Variants in CDC6 observed in about 807,000 individuals in gnomAD.
CDC6 encodes cell division cycle 6.
In CDC6, 46 loss-of-function variants were observed where a neutral mutation model predicts 60.2. The observed-to-expected ratio is 0.76, with a 90% CI of 0.60 to 0.98. The LOEUF is 0.98. Among genes scored for constraint, CDC6 ranks in the 50% least tolerant of loss-of-function variants. The pLI, the probability that CDC6 is intolerant of heterozygous loss-of-function variation, is 0.00. For missense variants in CDC6, 596 were observed against 652.9 expected, an observed-to-expected ratio of 0.91 and a Z score of 0.95; for synonymous variants, 210 against 233.2, an observed-to-expected ratio of 0.90 and a Z score of 0.90.
chr17:40,294,309 G>T, intron 6 of CDC6, 55 bp from the exon 7 acceptor site: 1 of 1,405,542 alleles, frequency 7.1e-7, no homozygotes. Context: ...AGAAGATTTA[G>T]TTTTCCCTTT....
At position 40,301,984 on chromosome 17, in the gene CDC6, G is replaced by T. The variant is rs765724334; in HGVS notation, c.1666G>T (p.Ala556Ser). 6.3e-7 allele frequency: 1 copy of T among 1,585,742 alleles called. No homozygotes were observed. The highest frequency in any genetic ancestry group is 1.7e-5 in the Admixed American group (1 of 59,988). Residue 556 changes from alanine (A) to serine (S), a missense_variant, in exon 12 of 12, where the codon GCT (alanine) becomes TCT (serine). Physicochemically the swap from Ala to Ser is moderately conservative, Grantham distance 99. Coordinates refer to ENST00000209728, the MANE Select transcript of CDC6 (RefSeq NM_001254.4). ...KDKALIGNIL[A>S]TGLP is the part of the protein sequence containing the mutation. Reference sequence around the variant, plus strand: ...TAAAGCTTTAATTGGAAATATCTTAGCTACTGGATTGCCTTAAATTCTTCT... The same window carrying T: ...TAAAGCTTTAATTGGAAATATCTTATCTACTGGATTGCCTTAAATTCTTCT...
chr17:40,301,996 C>T lies in CDC6; in HGVS notation c.1678C>T (p.Pro560Ser). The T allele has an allele frequency of 1.3e-6, 2 of 1,561,806 alleles. No individual in the cohort carries two copies. Among genetic ancestry groups the T allele is most frequent in the Non-Finnish European group, 1.8e-6 (2 of 1,132,354 alleles). Reference protein sequence around the residue: ...LIGNILATGLP With the variant: ...LIGNILATGLS ...TGGAAATATCTTAGCTACTGGATTGCCTTAAATTCTTCTCTTACACCCCAC... is the reference window on the plus strand; with the variant it reads ...TGGAAATATCTTAGCTACTGGATTGTCTTAAATTCTTCTCTTACACCCCAC... The change falls in exon 12 of 12, where the codon CCT becomes TCT. Residue 560 changes from proline to serine, a missense_variant. Physicochemically the swap from Pro to Ser is moderately conservative, Grantham distance 74 (BLOSUM62 -1). Transcript: ENST00000209728.
Position 40,301,617 on chromosome 17 carries a change from G to A in CDC6, c.1593+9G>A, listed in dbSNP as rs185826802. On this transcript the variant is annotated intron_variant, in intron 11 of 11. Transcript: ENST00000209728. ...AAACCCGTTTGACAAAGGTACAACT[G>A]CTTTTTTGTGACAGTGTTTTTAATT... The A allele has an allele frequency of 5.0e-6, 8 of 1,613,506 alleles. No individual in the cohort carries two copies. The highest frequency in any genetic ancestry group is 6.8e-6 in the Non-Finnish European group (8 of 1,179,546).
intron 9 of CDC6, among the ~76,000 whole-genome samples, chr17:40,298,098 C>A (rs1289559458): frequency 6.6e-6 from 1 of 152,090 alleles, no homozygotes; most frequent in Non-Finnish European, 1.5e-5. Context: ...GAAATTCTTT[C>A]TTTTTTTCAT....
chr17:40,293,603 CAT>C lies in CDC6; in HGVS notation c.811_812del (p.Met271AspfsTer31). The C allele has an allele frequency of 6.2e-7, 1 of 1,613,672 alleles. No homozygotes were observed. ...GKDMMRKLEK[H>X]MTAEKGPMIV... is the part of the protein sequence containing the mutation. ...GGACATGATGAGGAAATTGGAAAAA[CAT>C]ATGACTGCAGAGAAGGGCCCCATGA... On this transcript the variant is annotated frameshift_variant, in exon 5 of 12. Coordinates refer to ENST00000209728, the MANE Select transcript of CDC6 (RefSeq NM_001254.4). LOFTEE classifies it high-confidence loss of function.
In CDC6 at chr17:40,295,384, C is replaced by T; in HGVS notation, c.1112C>T (p.Ala371Val). The change falls in exon 8 of 12, where the codon GCT becomes GTT. Residue 371 changes from alanine to valine, a missense_variant. Physicochemically the swap from Ala to Val is moderately conservative, Grantham distance 64 (BLOSUM62 0). Transcript: ENST00000209728. ...QVSRDQVLDN[A>V]AVQFCARKVS... ...TCTAGAGATCAGGTTCTGGACAATG[C>T]TGCAGTTCAATTCTGTGCCCGCAAA... 1.2e-6 allele frequency: 2 copies of T among 1,613,206 alleles called. No homozygotes were observed. The highest frequency in any genetic ancestry group is 8.5e-7 in the Non-Finnish European group (1 of 1,179,312).
intron 9 of CDC6, among the ~76,000 whole-genome samples, chr17:40,300,362 T>G (rs1245008271): frequency 6.6e-6 from 1 of 152,148 alleles, no homozygotes; most frequent in Non-Finnish European, 1.5e-5. Context: ...CCTGGCATGG[T>G]GGCACGTACC....
chr17:40,304,283 C>T lies in CDC6; in HGVS notation c.*2282C>T, dbSNP rs1414384319. 1 of 152,208 alleles carries T rather than the reference C, an allele frequency of 6.6e-6. No homozygotes were observed. Among genetic ancestry groups the T allele is most frequent in the Non-Finnish European group, 1.5e-5 (1 of 68,046 alleles). The allele number at this position is 152,208 out of a possible 1,614,324, so 9.4% of individuals were successfully genotyped here. Reference sequence around the variant, plus strand: ...AGTGTCCCTGCTTGGCTTCTGCTGCCCTTGTGGGAGCAAAAGCTGATATAT... The same window carrying T: ...AGTGTCCCTGCTTGGCTTCTGCTGCTCTTGTGGGAGCAAAAGCTGATATAT... On this transcript the variant is annotated 3_prime_UTR_variant, in exon 12 of 12. Transcript: ENST00000209728.
intron 8 of CDC6, 30 bp from the exon 9 acceptor site, chr17:40,296,673 C>T: frequency 7.3e-7 from 1 of 1,374,872 alleles, no homozygotes. Flanking sequence ...TTGGCTCAGA[C>T]TAAATTAATT....
chr17:40,304,627 T>C lies in CDC6; in HGVS notation c.*2626T>C, dbSNP rs151329402. 9 of 152,366 alleles carry C rather than the reference T, an allele frequency of 5.9e-5. No individual in the cohort carries two copies. Among genetic ancestry groups the C allele is most frequent in the African/African-American group, 2.2e-4 (9 of 41,570 alleles). The allele number at this position is 152,366 out of a possible 1,614,324, so 9.4% of individuals were successfully genotyped here. On this transcript the variant is annotated 3_prime_UTR_variant, in exon 12 of 12. Transcript: ENST00000209728. Reference sequence around the variant, plus strand: ...GTTGGGTGTTGCCATGGAAAGAGCATAGACAAAATAAATTGTGTGTTTCAA... The same window carrying C: ...GTTGGGTGTTGCCATGGAAAGAGCACAGACAAAATAAATTGTGTGTTTCAA...
intron 2 of CDC6, among the ~76,000 whole-genome samples, chr17:40,290,848 G>T (rs993820296): frequency 6.6e-6 from 1 of 152,120 alleles, no homozygotes; most frequent in African/African-American, 2.4e-5. Flanking sequence ...CAGACTGAGG[G>T]TAACTAGAAC....
intron 9 of CDC6, 88 bp downstream of exon 9, chr17:40,296,855 G>A (rs1159714593): frequency 1.4e-5 from 13 of 919,294 alleles, no homozygotes; most frequent in South Asian, 1.3e-4. Flanking sequence ...AATGAACATA[G>A]TTAAATCCAA....
chr17:40,295,519 T>C, intron 8 of CDC6, 63 bp downstream of exon 8: 1 of 1,126,030 alleles, frequency 8.9e-7, no homozygotes, highest in South Asian at 1.2e-5. Context: ...CTGTTAATTG[T>C]CTCATGTAAC....
chr17:40,294,827 C>T (rs1194303925), intron 7 of CDC6, among the ~76,000 whole-genome samples: 4 of 151,458 alleles, frequency 2.6e-5, no homozygotes, highest in Non-Finnish European at 5.9e-5. Flanking sequence ...CGGGTTCAAG[C>T]GATTCTCCTG....
At position 40,301,946 on chromosome 17, in the gene CDC6, A is replaced by G. The variant is rs773577923; in HGVS notation, c.1628A>G (p.His543Arg). Residue 543 changes from histidine (H) to arginine (R), a missense_variant, in exon 12 of 12, where the codon CAT becomes CGT. His to Arg is a conservative substitution (Grantham distance 29). Transcript: ENST00000209728. ...AAGATTGAAGAGAAAGAAATAGAACATGCTCTGAAAGATAAAGCTTTAATT... is the reference window on the plus strand; with the variant it reads ...AAGATTGAAGAGAAAGAAATAGAACGTGCTCTGAAAGATAAAGCTTTAATT... ...FFKIEEKEIE[H>R]ALKDKALIGN... 8.1e-6 allele frequency: 13 copies of G among 1,600,818 alleles called. No homozygotes were observed. The highest frequency in any genetic ancestry group is 1.1e-5 in the South Asian group (1 of 90,792).
intron 2 of CDC6, among the ~76,000 whole-genome samples, chr17:40,290,509 G>A (rs1457924148): frequency 6.6e-6 from 1 of 152,134 alleles, no homozygotes; most frequent in Non-Finnish European, 1.5e-5. Context: ...TTTCAAAATA[G>A]CCTTACAATT....
rs565999374 is a variant in CDC6, at chr17:40,302,155, C to G, written c.*154C>G. 1.5e-6 allele frequency: 1 copy of G among 675,164 alleles called. No homozygotes were observed. Among genetic ancestry groups the G allele is most frequent in the Non-Finnish European group, 2.7e-6 (1 of 372,942 alleles). 41.8% of individuals were successfully genotyped at this position (675,164 alleles called of 1,614,324 possible). A position where few individuals can be genotyped will look rare whatever the true frequency, so the allele number is the denominator to read the frequency against. On this transcript the variant is annotated 3_prime_UTR_variant, in exon 12 of 12. Coordinates refer to ENST00000209728, the MANE Select transcript of CDC6 (RefSeq NM_001254.4). Reference sequence around the variant, plus strand: ...TAATCTATAGATTCTTTAATATTAGCACAGAATAATATCTTTGGGTCTTAC... The same window carrying G: ...TAATCTATAGATTCTTTAATATTAGGACAGAATAATATCTTTGGGTCTTAC...
intron 1 of CDC6, chr17:40,289,100 G>T: frequency 3.0e-6 from 1 of 329,984 alleles, no homozygotes; most frequent in South Asian, 2.5e-5. Flanking sequence ...GTGACTTTGG[G>T]CCACTGTTTA....
rs977179611 is a variant in CDC6 at position 40,295,647 on chromosome 17, A to G, written c.1184+191A>G. On this transcript the variant is annotated intron_variant, in intron 8 of 11. Transcript: ENST00000209728. ...CCGTGTTAATGTCTGAAACATTATC[A>G]GTCCATTACCTACAGAGGGAGAAAC... 5.0e-6 allele frequency: 3 copies of G among 601,324 alleles called. No individual in the cohort carries two copies. The African/African-American group carries it at 5.6e-5, about 11-fold the overall frequency. 37.2% of individuals were successfully genotyped at this position (601,324 alleles called of 1,614,324 possible).
Sources: gnomAD v4.1 joint callset for allele counts (sites outside exome capture counted in the v4.1 genomes callset) on GRCh38, gnomAD v4.1.1 for gene constraint, MANE v1.5 for transcripts, NCBI Gene and HGNC (gene_info 2026-07-23, HGNC 2026-07-21) for gene names.